Variants in ESR1 observed in about 807,000 individuals in gnomAD.
ESR1 encodes estrogen receptor 1.
A neutral mutation model predicts 52.7 loss-of-function variants in ESR1; 12 were observed. The ratio of observed to expected loss-of-function variants is 0.23; its 90% CI spans 0.15 to 0.37. The LOEUF is 0.37. ESR1 is among the 10% of genes least tolerant of loss of function. The probability of loss-of-function intolerance (pLI) is 1.00; values close to 1 mark genes in which losing one functional copy is unlikely to be tolerated. For missense variants in ESR1, 584 were observed against 779.7 expected (o/e 0.75, Z 2.99); for synonymous variants, 305 against 316.8 (o/e 0.96, Z 0.39).
intron 4 of ESR1, among the ~76,000 whole-genome samples, chr6:151,997,760 GT>G: frequency 6.6e-6 from 1 of 152,196 alleles, no homozygotes; most frequent in Non-Finnish European, 1.5e-5. Flanking sequence ...TTTAAATCGT[GT>G]TCACTTTGCT....
intron 5 of ESR1, among the ~76,000 whole-genome samples, chr6:152,039,196 G>T (rs1338222454): frequency 6.6e-6 from 1 of 152,110 alleles, no homozygotes; most frequent in Non-Finnish European, 1.5e-5. Flanking sequence ...TTCTTTACCT[G>T]GTGGAGTGTC....
chr6:151,899,343 C>CA (rs1796183746), intron 3 of ESR1, among the ~76,000 whole-genome samples: 7 of 111,212 alleles, frequency 6.3e-5, no homozygotes, highest in Admixed American at 1.8e-4. Context: ...GCTGGCCAGG[C>CA]GGGGGGCTGA....
chr6:151,782,090 T>G (rs1786598987), intron 2 of ESR1, among the ~76,000 whole-genome samples: 1 of 152,208 alleles, frequency 6.6e-6, no homozygotes, highest in Non-Finnish European at 1.5e-5. Context: ...TCTTGGATTG[T>G]TGAGTTCAAA....
chr6:151,756,908 T>C lies in ESR1; in HGVS notation c.-70-50935T>C, dbSNP rs539646135. 3.9e-5 allele frequency among the ~76,000 whole-genome samples: 6 copies of C among 152,230 alleles called. No homozygotes were observed. The East Asian group carries it at 1.2e-3, about 29-fold the overall frequency. ...GGGAGGCTGAGGCACAAGAATCGCTTGAACCCTGGAGGCGAAGGTTGCAGT... is the reference window on the plus strand; with the variant it reads ...GGGAGGCTGAGGCACAAGAATCGCTCGAACCCTGGAGGCGAAGGTTGCAGT... On this transcript the variant is annotated intron_variant, in intron 2 of 2. Transcript: ENST00000404742.
chr6:151,808,773 G>A (rs1251686810), intron 1 of ESR1, among the ~76,000 whole-genome samples: 1 of 152,192 alleles, frequency 6.6e-6, no homozygotes, highest in African/African-American at 2.4e-5. Flanking sequence ...AAAGTTGGGG[G>A]TGTTTGGAGT....
At chr6:152,060,858 A>G in intron 5 of ESR1, 133 bp from the exon 6 acceptor site, 2 of 706,196 alleles carry the variant, frequency 2.8e-6, no homozygotes, top group Non-Finnish European at 4.7e-6. Context: ...CATGAAGACA[A>G]TGGCTGATAG....
At chr6:151,786,238 T>C (rs543269264) in intron 2 of ESR1, among the ~76,000 whole-genome samples, 10 of 152,164 alleles carry the variant, frequency 6.6e-5, no homozygotes, top group Admixed American at 1.3e-4. Context: ...CCCAGGAGAC[T>C]TTCTGATTCT....
chr6:152,050,507 A>G (rs1391766918), intron 5 of ESR1, among the ~76,000 whole-genome samples: 1 of 152,170 alleles, frequency 6.6e-6, no homozygotes, highest in African/African-American at 2.4e-5. Context: ...TTTTGTATCC[A>G]GACACTGCCT....
At chr6:151,689,280 A>T (rs1269783268), upstream of ESR1, among the ~76,000 whole-genome samples, 2 of 152,236 alleles carry the variant, frequency 1.3e-5, no homozygotes, top group Non-Finnish European at 2.9e-5. Flanking sequence ...CATGTTATTC[A>T]ATAATCTACC....
rs56743212 is a variant in ESR1, at chr6:151,924,936, T to A, written c.761-19237T>A. ...CAATGAACCTACATGTGCATGTGTCTTTATGGTAGAACAATTTATATTCCA... is the reference window on the plus strand; with the variant it reads ...CAATGAACCTACATGTGCATGTGTCATTATGGTAGAACAATTTATATTCCA... On this transcript the variant is annotated intron_variant, in intron 3 of 7. Transcript: ENST00000206249. Among the ~76,000 whole-genome samples, 428 of 152,234 alleles carry A rather than the reference T, an allele frequency of 2.8e-3. 2 individuals are homozygous for A. The highest frequency in any genetic ancestry group is 9.6e-3 in the African/African-American group (400 of 41,508).
At chr6:151,974,074 T>C (rs1210456607) in intron 4 of ESR1, among the ~76,000 whole-genome samples, 2 of 152,146 alleles carry the variant, frequency 1.3e-5, no homozygotes, top group African/African-American at 2.4e-5. Context: ...TATTTAAAAA[T>C]GAGGGGTCAT....
chr6:151,992,802 A>G (rs1406217947), intron 4 of ESR1, among the ~76,000 whole-genome samples: 4 of 152,142 alleles, frequency 2.6e-5, no homozygotes, highest in Admixed American at 6.5e-5. Flanking sequence ...TACCTACCCC[A>G]GTGGTAGATA....
intron 4 of ESR1, among the ~76,000 whole-genome samples, chr6:151,998,296 A>G (rs1351218795): frequency 6.6e-6 from 1 of 152,158 alleles, no homozygotes; most frequent in African/African-American, 2.4e-5. Context: ...CATAGCCTCA[A>G]ATATAATGAG....
chr6:151,835,592 C>T (rs777655880), intron 1 of ESR1, among the ~76,000 whole-genome samples: 16 of 152,136 alleles, frequency 1.1e-4, no homozygotes, highest in African/African-American at 3.6e-4. Context: ...TAAGATAAGT[C>T]GTATAAATTG....
At chr6:151,942,165 T>A (rs2035147350) in intron 3 of ESR1, among the ~76,000 whole-genome samples, 1 of 152,220 alleles carries the variant, frequency 6.6e-6, no homozygotes, top group African/African-American at 2.4e-5. Flanking sequence ...AAATGCCTGA[T>A]CCAGGACAAT....
intron 2 of ESR1, among the ~76,000 whole-genome samples, chr6:151,729,106 T>C (rs1782053453): frequency 6.6e-6 from 1 of 152,122 alleles, no homozygotes; most frequent in African/African-American, 2.4e-5. Context: ...AAGATGATGG[T>C]ATTAGGAGGA....
intron 4 of ESR1, among the ~76,000 whole-genome samples, chr6:151,944,873 G>T (rs1254663741): frequency 2.0e-5 from 3 of 152,102 alleles, no homozygotes; most frequent in Non-Finnish European, 4.4e-5. Flanking sequence ...TAATATTAAT[G>T]ACCTTTGTTG....
chr6:151,979,800 A>G (rs1419892719), intron 4 of ESR1, among the ~76,000 whole-genome samples: 1 of 152,196 alleles, frequency 6.6e-6, no homozygotes, highest in Non-Finnish European at 1.5e-5. Context: ...CATAAATCTT[A>G]GGCACATTTG....
At chr6:151,760,179 G>A (rs963106510) in intron 2 of ESR1, among the ~76,000 whole-genome samples, 1 of 152,034 alleles carries the variant, frequency 6.6e-6, no homozygotes, top group African/African-American at 2.4e-5. Context: ...GTTTCTTCAG[G>A]GCTCTCTTTG....
Sources: allele counts gnomAD v4.1 joint callset (sites outside exome capture counted in the v4.1 genomes callset), GRCh38; gene constraint gnomAD v4.1.1; transcripts MANE v1.5; gene names NCBI Gene and HGNC (gene_info 2026-07-23, HGNC 2026-07-21).